ALMS1: variants seen among roughly 807,000 people sequenced by gnomAD.
ALMS1 encodes the protein centrosome-associated protein ALMS1.
ALMS1 carries 271 observed loss-of-function variants against 352.2 expected under a neutral mutation model. That is an observed-to-expected ratio of 0.77 (90% confidence interval 0.70 to 0.85). The LOEUF is 0.85. Among genes scored for constraint, ALMS1 ranks in the 40% least tolerant of loss-of-function variants. The probability of loss-of-function intolerance (pLI) is 0.00; values close to 1 mark genes in which losing one functional copy is unlikely to be tolerated. For synonymous variants in ALMS1, 1,865 were observed against 1,761.2 expected (o/e 1.06, Z -1.48); for missense variants, 5,445 against 4,870.7 (o/e 1.12, Z -3.51).
At chr2:73,502,099 A>G (rs1418304916) in intron 10 of ALMS1, among the ~76,000 whole-genome samples, 1 of 152,096 alleles carries the variant, frequency 6.6e-6, no homozygotes, top group Non-Finnish European at 1.5e-5. Flanking sequence ...GCCAATTTGT[A>G]GGTCCCAACA....
At chr2:73,458,440 GC>G (rs1248990094) in intron 9 of ALMS1, 1 of 152,098 alleles carries the variant, frequency 6.6e-6, no homozygotes, top group African/African-American at 2.4e-5. Context: ...CTCATCTATA[GC>G]CTGAGGACAC....
chr2:73,586,282 G>A (rs1318665033), intron 16 of ALMS1, among the ~76,000 whole-genome samples: 1 of 151,986 alleles, frequency 6.6e-6, no homozygotes, highest in Non-Finnish European at 1.5e-5. Flanking sequence ...GTTTTTTGTT[G>A]CATTTACTTT....
intron 6 of ALMS1, among the ~76,000 whole-genome samples, chr2:73,427,830 C>G (rs1338146032): frequency 6.6e-6 from 1 of 152,000 alleles, no homozygotes; most frequent in Non-Finnish European, 1.5e-5. Context: ...TGTGATATAG[C>G]CTTATATCCT....
intron 9 of ALMS1, among the ~76,000 whole-genome samples, chr2:73,476,226 T>A (rs1672580264): frequency 6.6e-6 from 1 of 152,210 alleles, no homozygotes; most frequent in African/African-American, 2.4e-5. Context: ...ATGTCAGAAT[T>A]TCCTTCTTTT....
chr2:73,388,249 C>A (rs1001353871), intron 1 of ALMS1, among the ~76,000 whole-genome samples: 1 of 152,090 alleles, frequency 6.6e-6, no homozygotes, highest in Non-Finnish European at 1.5e-5. Context: ...ATCTTGAAGC[C>A]TAGAGGAGGA....
rs371802650 is a variant in ALMS1, at chr2:73,434,732, C to A, written c.1432+2441C>A. On this transcript the variant is annotated intron_variant, in intron 7 of 22. Transcript: ENST00000613296. The stretch of plus-strand genomic sequence containing the variant: ...TGTCTATTTCTCCCCTTTTTTCTCT[C>A]AGATTTGCTTCACATATTTTGACAT... Among the ~76,000 whole-genome samples the A allele has an allele frequency of 1.3e-4, 20 of 152,186 alleles. No individual in the cohort carries two copies. In the South Asian group the frequency reaches 4.1e-3, roughly 32 times the overall value.
At chr2:73,528,942 C>G (rs890082847) in intron 11 of ALMS1, among the ~76,000 whole-genome samples, 1 of 147,176 alleles carries the variant, frequency 6.8e-6, no homozygotes, top group East Asian at 2.0e-4. Context: ...ATTTCTGCTT[C>G]TTTTTAATTA....
At chr2:73,467,955 A>G (rs1672390982) in intron 9 of ALMS1, among the ~76,000 whole-genome samples, 1 of 152,200 alleles carries the variant, frequency 6.6e-6, no homozygotes, top group South Asian at 2.1e-4. Flanking sequence ...GGGAAGACGC[A>G]CAAGAGGTCT....
chr2:73,405,614 C>T (rs991397115), intron 1 of ALMS1, among the ~76,000 whole-genome samples: 1 of 151,206 alleles, frequency 6.6e-6, no homozygotes, highest in African/African-American at 2.4e-5. Flanking sequence ...CTTCTGATCA[C>T]TTTGGGTTTA....
chr2:73,601,435 A>G lies in ALMS1; in HGVS notation c.12113A>G (p.Gln4038Arg), dbSNP rs1057524132. 6.2e-6 allele frequency: 10 copies of G among 1,614,072 alleles called. No individual in the cohort carries two copies. Among genetic ancestry groups the G allele is most frequent in the Non-Finnish European group, 8.5e-6 (10 of 1,179,954 alleles). ...AGGCCATTTGTGAGAGCAACCCTTC[A>G]GGTGCAGTGACGTTGACTTAACTTT... ...LLRPFVRATL[Q>R]ESLQFHRPDF... The change falls in exon 19 of 23, where the codon CAG becomes CGG. Residue 4038 changes from glutamine to arginine, a missense_variant and splice_region_variant. Coordinates refer to ENST00000613296, the MANE Select transcript of ALMS1 (RefSeq NM_001378454.1).
chr2:73,431,306 C>T (rs950750304), intron 6 of ALMS1, among the ~76,000 whole-genome samples: 2 of 152,170 alleles, frequency 1.3e-5, no homozygotes, highest in African/African-American at 2.4e-5. Context: ...CCACACTTCA[C>T]ATGGCTTCCT....
rs188135795 is a variant in ALMS1 at position 73,477,522 on chromosome 2, G to C, written c.7675-12112G>C. Among the ~76,000 whole-genome samples the C allele has an allele frequency of 1.7e-3, 258 of 151,756 alleles. 1 individual carries two copies. Among genetic ancestry groups the C allele is most frequent in the African/African-American group, 5.8e-3 (242 of 41,432 alleles). ...AAAAAAAAGGCTAGGCTTTTAATAA[G>C]AGTTGCATTGAATCTCTAGATTACT... On this transcript the variant is annotated intron_variant, in intron 9 of 22. Coordinates refer to ENST00000613296, the MANE Select transcript of ALMS1 (RefSeq NM_001378454.1).
At chr2:73,386,615 A>C (rs747510309) in intron 1 of ALMS1, among the ~76,000 whole-genome samples, 10 of 152,098 alleles carry the variant, frequency 6.6e-5, no homozygotes, top group Non-Finnish European at 1.0e-4. Context: ...CTGAGGGAGT[A>C]ATGTGGATAA....
chr2:73,529,784 T>C (rs1305472157), intron 11 of ALMS1, among the ~76,000 whole-genome samples: 1 of 152,194 alleles, frequency 6.6e-6, no homozygotes, highest in Admixed American at 6.5e-5. Flanking sequence ...GACTCAGTTC[T>C]GCATGGCTGG....
Position 73,451,012 on chromosome 2 carries a change from A to G in ALMS1, c.4485A>G (p.Leu1495=). Residue 1495 remains leucine, a synonymous_variant, in exon 8 of 23, where the codon CTA becomes CTG. Coordinates refer to ENST00000613296, the MANE Select transcript of ALMS1 (RefSeq NM_001378454.1). ...IYKQAFPEGH[L]PEESLKVSVA... is the part of the protein sequence containing the mutation. Reference sequence around the variant, plus strand: ...AACAGGCCTTTCCAGAGGGTCATCTACCTGAAGAGTCTCTGAAAGTTTCAG... The same window carrying G: ...AACAGGCCTTTCCAGAGGGTCATCTGCCTGAAGAGTCTCTGAAAGTTTCAG... 1 of 1,613,918 alleles carries G rather than the reference A, an allele frequency of 6.2e-7. No individual in the cohort carries two copies. The highest frequency in any genetic ancestry group is 8.5e-7 in the Non-Finnish European group (1 of 1,179,950).
intron 16 of ALMS1, among the ~76,000 whole-genome samples, chr2:73,576,059 C>G (rs923253386): frequency 1.2e-4 from 19 of 152,160 alleles, no homozygotes; most frequent in Admixed American, 1.2e-3. Flanking sequence ...TTCTCAACAT[C>G]GTTTGTTGAA....
intron 15 of ALMS1, among the ~76,000 whole-genome samples, chr2:73,566,672 A>G (rs1329183682): frequency 6.6e-6 from 1 of 152,176 alleles, no homozygotes; most frequent in Non-Finnish European, 1.5e-5. Flanking sequence ...AGCAGTTCTG[A>G]CACTGACAAC....
chr2:73,491,581 G>A (rs28730857), intron 10 of ALMS1, 83 bp downstream of exon 10: 1 of 1,450,894 alleles, frequency 6.9e-7, no homozygotes, highest in Non-Finnish European at 9.6e-7. Context: ...TCGGTTCTTG[G>A]GGGAAAGGCC....
chr2:73,508,235 C>G lies in ALMS1; in HGVS notation c.9540-11540C>G, dbSNP rs572459964. On this transcript the variant is annotated intron_variant, in intron 10 of 22. Transcript: ENST00000613296. Reference sequence around the variant, plus strand: ...TTTTTTTTTTTTTTTCCGAGTCTCACTCTGTTGCCCAGGCTGGAGTGCAGT... The same window carrying G: ...TTTTTTTTTTTTTTTCCGAGTCTCAGTCTGTTGCCCAGGCTGGAGTGCAGT... Among the ~76,000 whole-genome samples the G allele has an allele frequency of 7.0e-4, 91 of 129,878 alleles. 1 individual carries two copies. The highest frequency in any genetic ancestry group is 2.5e-3 in the African/African-American group (87 of 34,536). 85.2% of individuals were successfully genotyped at this position (129,878 alleles called of 152,430 possible).
Sources: gnomAD v4.1 joint callset for allele counts (sites outside exome capture counted in the v4.1 genomes callset) on GRCh38, gnomAD v4.1.1 for gene constraint, MANE v1.5 for transcripts, NCBI Gene and HGNC (gene_info 2026-07-23, HGNC 2026-07-21) for gene names.